CEP89: variants seen among roughly 807,000 people sequenced by gnomAD.
CEP89 encodes centrosomal protein of 89 kDa.
In CEP89, 95 loss-of-function variants were observed where a neutral mutation model predicts 97.6. That is an observed-to-expected ratio of 0.97 (90% CI 0.82 to 1.15). The LOEUF (loss-of-function observed/expected upper bound fraction) is 1.15, where lower values mean the gene tolerates loss of function less well. Ranked by LOEUF, CEP89 falls within the 50% of genes most tolerant of loss-of-function variation. The pLI is 0.00. For missense variants in CEP89, 869 were observed against 947.7 expected (o/e 0.92, Z 1.09); for synonymous variants, 354 against 349.1 (o/e 1.01, Z -0.16).
chr19:32,946,384 G>A (rs780457616), intron 5 of CEP89, among the ~76,000 whole-genome samples: 3 of 152,178 alleles, frequency 2.0e-5, no homozygotes, highest in Non-Finnish European at 4.4e-5. Flanking sequence ...GCCACACAAT[G>A]CAGATGTTAC....
At chr19:32,938,445 C>T (rs776554585) in intron 6 of CEP89, among the ~76,000 whole-genome samples, 1 of 152,116 alleles carries the variant, frequency 6.6e-6, no homozygotes, top group Non-Finnish European at 1.5e-5. Context: ...GCTTCTCAAC[C>T]CCAAACCTAG....
intron 4 of CEP89, among the ~76,000 whole-genome samples, chr19:32,951,530 TATATACACACAC>T (rs1970914235): frequency 1.9e-5 from 2 of 107,434 alleles, no homozygotes; most frequent in Non-Finnish European, 1.9e-5. Flanking sequence ...TATATATATA[TATATACACACAC>T]ACACACACAC....
intron 14 of CEP89, among the ~76,000 whole-genome samples, chr19:32,907,638 G>T (rs1285810820): frequency 6.6e-6 from 1 of 152,168 alleles, no homozygotes; most frequent in African/African-American, 2.4e-5. Flanking sequence ...TTTTAGTAGA[G>T]ATGGCGTTTC....
intron 8 of CEP89, 116 bp downstream of exon 8, chr19:32,933,335 G>C (rs1022384847): frequency 1.2e-6 from 1 of 838,438 alleles, no homozygotes; most frequent in Non-Finnish European, 1.9e-6. Context: ...AAAAAAACCT[G>C]AAATATTACA....
chr19:32,880,408 C>T (rs1484527291), intron 18 of CEP89, among the ~76,000 whole-genome samples: 1 of 152,084 alleles, frequency 6.6e-6, no homozygotes, highest in African/African-American at 2.4e-5. Context: ...GTGGTAAGAA[C>T]AACTTAATTA....
chr19:32,892,608 T>C (rs918506831), intron 16 of CEP89, among the ~76,000 whole-genome samples: 1 of 149,232 alleles, frequency 6.7e-6, no homozygotes. Flanking sequence ...GCCCAGCTAA[T>C]AGTGTATTTC....
chr19:32,913,666 C>T (rs1970061067), intron 14 of CEP89, among the ~76,000 whole-genome samples: 2 of 142,010 alleles, frequency 1.4e-5, no homozygotes, highest in Non-Finnish European at 3.0e-5. Flanking sequence ...GAGACAAAGT[C>T]TCGCTCTTGT....
Position 32,966,394 on chromosome 19 carries a change from G to T in CEP89, c.112C>A (p.Pro38Thr), listed in dbSNP as rs1193097936. 2.6e-6 allele frequency: 4 copies of T among 1,560,000 alleles called. No individual in the cohort carries two copies. The highest frequency in any genetic ancestry group is 3.5e-6 in the Non-Finnish European group (4 of 1,150,048). ...TCTGGAGATGGGTTGGGGCTGCGGGGAGGAGGTGTGCGTGGCACAGCTGCC... is the reference window on the plus strand; with the variant it reads ...TCTGGAGATGGGTTGGGGCTGCGGGTAGGAGGTGTGCGTGGCACAGCTGCC... ...PKAAVPRTPP[P>T]RSPNPSPERP... The change falls in exon 2 of 19, where the codon CCC becomes ACC. Residue 38 changes from proline to threonine, a missense_variant. Pro to Thr is a conservative substitution (Grantham distance 38). Coordinates refer to ENST00000305768, the MANE Select transcript of CEP89 (RefSeq NM_032816.5).
intron 16 of CEP89, among the ~76,000 whole-genome samples, chr19:32,896,799 C>T (rs1174607600): frequency 6.7e-6 from 1 of 150,240 alleles, no homozygotes; most frequent in Non-Finnish European, 1.5e-5. Flanking sequence ...TTAAGGAACA[C>T]AACTCTTAAT....
At chr19:32,932,687 C>T (rs1053791537) in intron 8 of CEP89, among the ~76,000 whole-genome samples, 6 of 151,886 alleles carry the variant, frequency 4.0e-5, no homozygotes, top group African/African-American at 1.5e-4. Flanking sequence ...TATCTAAAAT[C>T]CCAGTGCTTT....
intron 5 of CEP89, among the ~76,000 whole-genome samples, chr19:32,943,634 A>T (rs1970733832): frequency 6.6e-6 from 1 of 152,060 alleles, no homozygotes; most frequent in South Asian, 2.1e-4. Context: ...CAAAAAAAAA[A>T]AGTCAAACCC....
chr19:32,971,658 T>TAA (rs34358164), intron 1 of CEP89, 178 bp downstream of exon 1: 8,059 of 586,688 alleles, frequency 0.014, 175 homozygotes, highest in African/African-American at 0.088. Context: ...CCCTGTTTCT[T>TAA]AAAAAAAAAA....
chr19:32,888,030 C>T (rs981569029), intron 16 of CEP89, among the ~76,000 whole-genome samples, 189 bp from the exon 17 acceptor site: 35 of 152,340 alleles, frequency 2.3e-4, no homozygotes, highest in Non-Finnish European at 4.6e-4. Flanking sequence ...TGGGCAGGAA[C>T]AGGGCATGTG....
intron 2 of CEP89, among the ~76,000 whole-genome samples, chr19:32,960,995 G>A (rs911397411): frequency 6.6e-6 from 1 of 152,062 alleles, no homozygotes; most frequent in Non-Finnish European, 1.5e-5. Context: ...CAGAGAGAAC[G>A]AGGAGATCTG....
intron 2 of CEP89, chr19:32,966,116 T>C (rs1441692831): frequency 2.1e-5 from 8 of 373,206 alleles, no homozygotes; most frequent in Non-Finnish European, 3.3e-5. Flanking sequence ...TTTTAAATAC[T>C]CATTGCATTC....
chr19:32,968,293 G>A (rs1310770602), intron 1 of CEP89, among the ~76,000 whole-genome samples: 1 of 152,212 alleles, frequency 6.6e-6, no homozygotes, highest in African/African-American at 2.4e-5. Flanking sequence ...CTGTCACCCA[G>A]GCTGGAGTGC....
rs751237170 is a variant in CEP89, at chr19:32,918,366, C to G, written c.1269-27G>C. On this transcript the variant is annotated intron_variant, in intron 12 of 18. Transcript: ENST00000305768. ...TGCAATTGATTTACAAGATGAAATACTGTGATTCAGGTGCTGAATGGTTAC... is the reference window on the plus strand; with the variant it reads ...TGCAATTGATTTACAAGATGAAATAGTGTGATTCAGGTGCTGAATGGTTAC... 7.2e-6 allele frequency: 11 copies of G among 1,531,930 alleles called. No homozygotes were observed. In the South Asian group the frequency reaches 1.0e-4, roughly 14 times the overall value. 94.9% of individuals were successfully genotyped at this position (1,531,930 alleles called of 1,614,324 possible).
At chr19:32,933,301 C>T in intron 8 of CEP89, 150 bp downstream of exon 8, 1 of 648,478 alleles carries the variant, frequency 1.5e-6, no homozygotes, top group East Asian at 2.7e-5. Flanking sequence ...GAAATCAAAT[C>T]TCAACAAACA....
At chr19:32,921,604 G>A (rs139348835) in intron 12 of CEP89, among the ~76,000 whole-genome samples, 11 of 152,334 alleles carry the variant, frequency 7.2e-5, no homozygotes, top group African/African-American at 2.2e-4. Context: ...TTAAGGAAAC[G>A]CAGACAAGTT....
Sources: gnomAD v4.1 joint callset for allele counts (sites outside exome capture counted in the v4.1 genomes callset) on GRCh38, gnomAD v4.1.1 for gene constraint, MANE v1.5 for transcripts, NCBI Gene and HGNC (gene_info 2026-07-23, HGNC 2026-07-21) for gene names.